TMTC3: variants seen among roughly 807,000 people sequenced by gnomAD.
TMTC3 encodes the protein protein O-mannosyl-transferase TMTC3.
In TMTC3, 52 loss-of-function variants were observed where a neutral mutation model predicts 92.2. The ratio of observed to expected loss-of-function variants is 0.56; its 90% CI spans 0.45 to 0.71. The LOEUF is 0.71. Among genes scored for constraint, TMTC3 ranks in the 30% least tolerant of loss-of-function variants. TMTC3 has a pLI of 0.00. For synonymous variants in TMTC3, 339 were observed against 363.3 expected (o/e 0.93, Z 0.76); for missense variants, 896 against 1,057.1 (o/e 0.85, Z 2.11).
intron 10 of TMTC3, among the ~76,000 whole-genome samples, chr12:88,187,839 G>A (rs11104751): frequency 0.13 from 19,070 of 152,066 alleles, 2,260 homozygotes; most frequent in African/African-American, 0.31. Context: ...ATTTTAGTTC[G>A]TGTTGAGTAT....
At chr12:88,155,353 T>C (rs933651386) in intron 4 of TMTC3, among the ~76,000 whole-genome samples, 3 of 152,138 alleles carry the variant, frequency 2.0e-5, no homozygotes, top group Non-Finnish European at 4.4e-5. Flanking sequence ...TAGTAGGAGG[T>C]ACTTTTGTAA....
intron 10 of TMTC3, among the ~76,000 whole-genome samples, chr12:88,181,538 G>T (rs758826426): frequency 1.7e-4 from 26 of 152,002 alleles, no homozygotes; most frequent in Non-Finnish European, 3.8e-4. Context: ...CTTGTTCATT[G>T]CCATAAGCCA....
rs1322544187 is a variant in TMTC3, at chr12:88,142,392, A to G, written c.-124A>G. 1 of 152,560 alleles carries G rather than the reference A, an allele frequency of 6.6e-6. No individual in the cohort carries two copies. Among genetic ancestry groups the G allele is most frequent in the East Asian group, 1.9e-4 (1 of 5,170 alleles). 9.5% of individuals were successfully genotyped at this position (152,560 alleles called of 1,614,324 possible). On this transcript the variant is annotated 5_prime_UTR_variant, in exon 1 of 14. Transcript: ENST00000266712. The stretch of plus-strand genomic sequence containing the variant: ...AGGCGCCTGCAAACTGGTGGCCTGA[A>G]CGAGGTAGACCATGACTGTGGTTTC...
intron 3 of TMTC3, among the ~76,000 whole-genome samples, chr12:88,153,793 G>A (rs528851360): frequency 2.6e-5 from 4 of 150,974 alleles, no homozygotes; most frequent in South Asian, 2.1e-4. Context: ...ACAGTTCTTC[G>A]GTCACTTTTT....
In TMTC3 at chr12:88,195,410, G is replaced by T; in HGVS notation, c.2506G>T (p.Val836Leu). The T allele has an allele frequency of 6.2e-7, 1 of 1,613,612 alleles. No individual in the cohort carries two copies. Among genetic ancestry groups the T allele is most frequent in the Non-Finnish European group, 8.5e-7 (1 of 1,179,836 alleles). ...ATTCCCAACCAGTAAGATTTCAAGT[G>T]TGGAAGGAAAGAAAATTCCAACTGA... ...PIFPTSKISSVEGKKIPTESV... is the reference protein window; with the variant it reads ...PIFPTSKISSLEGKKIPTESV... The change falls in exon 14 of 14, where the codon GTG becomes TTG. Residue 836 changes from valine to leucine, a missense_variant. By Grantham distance (32) the Val-to-Leu change is conservative. Transcript: ENST00000266712.
intron 7 of TMTC3, among the ~76,000 whole-genome samples, chr12:88,170,724 T>G (rs950348483): frequency 3.3e-5 from 5 of 152,216 alleles, no homozygotes; most frequent in African/African-American, 9.6e-5. Context: ...AAGGTTTAAC[T>G]TGTTTATTCA....
chr12:88,166,546 C>G lies in TMTC3; in HGVS notation c.1014C>G (p.Ile338Met), dbSNP rs762579957. ...TGGGGATGTTGGGAGTATTCAGTAT[C>G]AGATACTCTGGTGATTCCTCCAAGA... is the stretch of plus-strand genomic sequence containing the variant. ...CFLGMLGVFS[I>M]RYSGDSSKTV... Residue 338 changes from isoleucine to methionine, a missense_variant, in exon 7 of 14, where the codon ATC becomes ATG. Coordinates refer to ENST00000266712, the MANE Select transcript of TMTC3 (RefSeq NM_181783.4). 2.5e-6 allele frequency: 4 copies of G among 1,613,650 alleles called. No individual in the cohort carries two copies.
intron 6 of TMTC3, among the ~76,000 whole-genome samples, chr12:88,161,220 G>A (rs888289882): frequency 6.6e-6 from 1 of 151,978 alleles, no homozygotes; most frequent in Admixed American, 6.6e-5. Flanking sequence ...CACTTCTGTC[G>A]GTTTTTGTTT....
intron 10 of TMTC3, 94 bp from the exon 11 acceptor site, chr12:88,188,749 T>TTGTTTATA: frequency 1.6e-6 from 1 of 635,416 alleles, no homozygotes; most frequent in Non-Finnish European, 2.6e-6. Context: ...CATTGAATAC[T>TTGTTTATA]TGTTTATATA....
chr12:88,192,489 C>A, intron 12 of TMTC3, 115 bp from the exon 13 acceptor site: 1 of 642,448 alleles, frequency 1.6e-6, no homozygotes, highest in Non-Finnish European at 2.6e-6. Flanking sequence ...TTTTAAGAGT[C>A]TGAGTTAAGA....
chr12:88,179,606 T>G (rs2041295026), intron 10 of TMTC3, among the ~76,000 whole-genome samples: 1 of 151,934 alleles, frequency 6.6e-6, no homozygotes, highest in Non-Finnish European at 1.5e-5. Flanking sequence ...GGCTGAGTGA[T>G]GGATGAAAGA....
intron 10 of TMTC3, among the ~76,000 whole-genome samples, chr12:88,187,476 A>G (rs1377106350): frequency 6.6e-6 from 1 of 152,096 alleles, no homozygotes; most frequent in Non-Finnish European, 1.5e-5. Context: ...CTACACAGGT[A>G]TTCTGATTTG....
chr12:88,169,195 T>G (rs1415569624), intron 7 of TMTC3, among the ~76,000 whole-genome samples: 3 of 152,198 alleles, frequency 2.0e-5, no homozygotes, highest in Admixed American at 6.5e-5. Flanking sequence ...TAAGGATAAA[T>G]TTGAACTTGG....
intron 10 of TMTC3, among the ~76,000 whole-genome samples, chr12:88,187,932 T>C (rs2041397598): frequency 6.6e-6 from 1 of 152,188 alleles, no homozygotes; most frequent in African/African-American, 2.4e-5. Flanking sequence ...TATATCTTTT[T>C]AAAAAGCTAC....
chr12:88,162,278 A>G (rs1376903725), intron 6 of TMTC3, among the ~76,000 whole-genome samples: 2 of 152,112 alleles, frequency 1.3e-5, no homozygotes, highest in Middle Eastern at 3.4e-3. Flanking sequence ...CCTGTTTACC[A>G]TTGTTTCTTA....
rs774629528 is a variant in TMTC3, at chr12:88,195,331, C to G, written c.2427C>G (p.Arg809=). The change falls in exon 14 of 14, where the codon CGC becomes CGG. Residue 809 remains arginine (R), a synonymous_variant. Coordinates refer to ENST00000266712, the MANE Select transcript of TMTC3 (RefSeq NM_181783.4). ...CACCACATGAAGAATATATTCAGCGCCATTTGAATATAGTCAGGGATAAGA... is the reference window on the plus strand; with the variant it reads ...CACCACATGAAGAATATATTCAGCGGCATTTGAATATAGTCAGGGATAAGA... ...ALAPHEEYIQ[R]HLNIVRDKIS... is the part of the protein sequence containing the mutation. 6.2e-7 allele frequency: 1 copy of G among 1,613,692 alleles called. No homozygotes were observed. The highest frequency in any genetic ancestry group is 1.3e-5 in the African/African-American group (1 of 74,902).
chr12:88,154,340 C>G lies in TMTC3; in HGVS notation c.461C>G (p.Ala154Gly). The change falls in exon 4 of 14, where the codon GCA (alanine) becomes GGA (glycine). Residue 154 changes from alanine (A) to glycine (G), a missense_variant. By Grantham distance (60) the Ala-to-Gly change is moderately conservative. Coordinates refer to ENST00000266712, the MANE Select transcript of TMTC3 (RefSeq NM_181783.4). ...CTTTTGTCATCTATCTTTTTTCTAG[C>G]AGCTTTTTTGTCATATACCAGATCA... is the stretch of plus-strand genomic sequence containing the variant. ...AELLSSIFFL[A>G]AFLSYTRSKG... 6.2e-7 allele frequency: 1 copy of G among 1,608,680 alleles called. No individual in the cohort carries two copies.
At position 88,160,179 on chromosome 12, in the gene TMTC3, A is replaced by G; in HGVS notation, c.574A>G (p.Ile192Val). 4 of 1,590,728 alleles carry G rather than the reference A, an allele frequency of 2.5e-6. No homozygotes were observed. The highest frequency in any genetic ancestry group is 3.4e-6 in the Non-Finnish European group (4 of 1,170,774). ...AVATLCKEQG[I>V]TVVGICCVYE... ...TGCAACATTATGTAAAGAACAAGGA[A>G]TAACAGTTGTAGGAATTTGCTGTGT... The change falls in exon 5 of 14, where the codon ATA (isoleucine) becomes GTA (valine). Residue 192 changes from isoleucine to valine, a missense_variant. Transcript: ENST00000266712.
chr12:88,153,196 G>T (rs960392099), intron 2 of TMTC3, 95 bp from the exon 3 acceptor site: 3 of 663,504 alleles, frequency 4.5e-6, no homozygotes, highest in South Asian at 2.3e-5. Flanking sequence ...GTAAAATGTA[G>T]ATATTAATAT....
Sources: allele counts gnomAD v4.1 joint callset (sites outside exome capture counted in the v4.1 genomes callset), GRCh38; gene constraint gnomAD v4.1.1; transcripts MANE v1.5; gene names NCBI Gene and HGNC (gene_info 2026-07-23, HGNC 2026-07-21).